The following TDRD10 variants were observed in gnomAD, a reference collection of about 807,000 sequenced individuals.
TDRD10 encodes tudor domain-containing protein 10.
In TDRD10, 40 loss-of-function variants were observed where a neutral mutation model predicts 48.0. That is an observed-to-expected ratio of 0.83 (90% CI 0.65 to 1.09). The LOEUF (loss-of-function observed/expected upper bound fraction) is 1.09. Among genes scored for constraint, TDRD10 ranks in the 50% least tolerant of loss-of-function variants. TDRD10 has a pLI of 0.00. For missense variants in TDRD10, 378 were observed against 434.7 expected, an observed-to-expected ratio of 0.87 and a Z score of 1.16; for synonymous variants, 162 against 170.4, an observed-to-expected ratio of 0.95 and a Z score of 0.38.
intron 6 of TDRD10, among the ~76,000 whole-genome samples, chr1:154,524,254 C>A (rs1694197429): frequency 6.6e-6 from 1 of 152,158 alleles, no homozygotes; most frequent in Non-Finnish European, 1.5e-5. Context: ...GCAACCTCCA[C>A]CTCTTGGGCT....
chr1:154,543,136 A>G (rs1275256350), intron 8 of TDRD10, among the ~76,000 whole-genome samples: 1 of 152,106 alleles, frequency 6.6e-6, no homozygotes, highest in African/African-American at 2.4e-5. Flanking sequence ...TTAGCCGGGC[A>G]TGGTGGTGGG....
Position 154,544,491 on chromosome 1 carries a change from G to A in TDRD10, c.771G>A (p.Leu257=). 1 of 1,613,908 alleles carries A rather than the reference G, an allele frequency of 6.2e-7. No homozygotes were observed. Among genetic ancestry groups the A allele is most frequent in the Non-Finnish European group, 8.5e-7 (1 of 1,179,984 alleles). The change falls in exon 10 of 13, where the codon CTG becomes CTA. Residue 257 remains leucine, a synonymous_variant. Coordinates refer to ENST00000368482, the MANE Select transcript of TDRD10 (RefSeq NM_182499.4). The stretch of plus-strand genomic sequence containing the variant: ...CTCGCTGTCTGGCAGAGTACCACCT[G>A]GGGGATTATGGACACGCCTGGAACA... The part of the protein sequence containing the change: ...RGTRCLAEYH[L]GDYGHAWNRC...
intron 7 of TDRD10, 137 bp from the exon 8 acceptor site, chr1:154,542,594 G>C: frequency 1.6e-6 from 1 of 607,092 alleles, no homozygotes; most frequent in Non-Finnish European, 2.9e-6. Context: ...TCTAGAGACT[G>C]AGAAGTTGGA....
At chr1:154,535,927 G>A (rs1028298654) in intron 6 of TDRD10, among the ~76,000 whole-genome samples, 6 of 152,158 alleles carry the variant, frequency 3.9e-5, no homozygotes, top group Non-Finnish European at 8.8e-5. Context: ...AGAGCAGGAC[G>A]GGGTGAGACT....
chr1:154,508,253 G>T (rs887394011), intron 3 of TDRD10, among the ~76,000 whole-genome samples, 170 bp from the exon 4 acceptor site: 6 of 152,170 alleles, frequency 3.9e-5, no homozygotes, highest in East Asian at 3.8e-4. Context: ...AGTGGCTCAC[G>T]CCTGTAATTC....
At chr1:154,508,548 G>T in intron 4 of TDRD10, 67 bp downstream of exon 4, 1 of 1,056,332 alleles carries the variant, frequency 9.5e-7, no homozygotes, top group Non-Finnish European at 1.5e-6. Context: ...TAACCTGCTA[G>T]TAACTTAATT....
At chr1:154,517,490 C>T (rs955463808) in intron 4 of TDRD10, among the ~76,000 whole-genome samples, 22 of 149,396 alleles carry the variant, frequency 1.5e-4, no homozygotes, top group Non-Finnish European at 2.7e-4. Context: ...GGTGCGATCT[C>T]GGCTCACTGC....
At chr1:154,543,881 C>T in intron 8 of TDRD10, 82 bp from the exon 9 acceptor site, 1 of 1,570,166 alleles carries the variant, frequency 6.4e-7, no homozygotes, top group Non-Finnish European at 8.6e-7. Flanking sequence ...CAGCCTCCTG[C>T]AGGACAGGCG....
chr1:154,510,533 A>G (rs1557814182), intron 4 of TDRD10, among the ~76,000 whole-genome samples: 1 of 151,938 alleles, frequency 6.6e-6, no homozygotes, highest in Non-Finnish European at 1.5e-5. Context: ...TGGAGCTTGC[A>G]GTGAGCCAAG....
intron 8 of TDRD10, 93 bp downstream of exon 8, chr1:154,542,914 G>C: frequency 9.3e-7 from 1 of 1,071,446 alleles, no homozygotes; most frequent in East Asian, 2.5e-5. Flanking sequence ...TACTGGGGTG[G>C]GGGATAGTTT....
At chr1:154,508,376 C>T (rs776708150) in intron 3 of TDRD10, 47 bp from the exon 4 acceptor site, 2 of 1,309,278 alleles carry the variant, frequency 1.5e-6, no homozygotes, top group South Asian at 1.2e-5. Context: ...CCTCTGAATC[C>T]TCTAACCGTA....
intron 7 of TDRD10, 148 bp downstream of exon 7, chr1:154,542,214 G>A (rs1695280841): frequency 1.3e-6 from 1 of 780,992 alleles, no homozygotes; most frequent in Admixed American, 3.0e-5. Flanking sequence ...CTTCCTCTAG[G>A]ATGCTTGCTT....
chr1:154,545,486 G>A (rs1361505150), intron 11 of TDRD10, among the ~76,000 whole-genome samples: 1 of 152,202 alleles, frequency 6.6e-6, no homozygotes, highest in South Asian at 2.1e-4. Context: ...AAGGATGAAA[G>A]AATGTTTTAG....
chr1:154,507,372 G>T, intron 3 of TDRD10, 52 bp downstream of exon 3: 1 of 1,599,182 alleles, frequency 6.3e-7, no homozygotes. Context: ...CCTACAACTT[G>T]GATTCCAGTT....
rs1695695092 is a variant in TDRD10, at chr1:154,547,885, A to T, written c.*175A>T. The T allele has an allele frequency of 5.7e-6, 4 of 699,546 alleles. No homozygotes were observed. The highest frequency in any genetic ancestry group is 9.6e-6 in the Non-Finnish European group (4 of 415,660). The allele number at this position is 699,546 out of a possible 1,614,324, so 43.3% of individuals were successfully genotyped here. ...CAGCTTCCCTCTCAAAAGAGAGTGA[A>T]GTCTCATTTGTCATGTGTCTTCAGT... On this transcript the variant is annotated 3_prime_UTR_variant, in exon 13 of 13. Coordinates refer to ENST00000368482, the MANE Select transcript of TDRD10 (RefSeq NM_182499.4).
intron 3 of TDRD10, 132 bp downstream of exon 3, chr1:154,507,452 C>T (rs1693207428): frequency 6.6e-6 from 7 of 1,062,272 alleles, no homozygotes; most frequent in Non-Finnish European, 9.7e-6. Context: ...TGCTCTTCCT[C>T]CAGTCAGCCA....
At chr1:154,509,510 G>C (rs1328197875) in intron 4 of TDRD10, among the ~76,000 whole-genome samples, 2 of 152,152 alleles carry the variant, frequency 1.3e-5, no homozygotes, top group African/African-American at 4.8e-5. Flanking sequence ...TAAGTACACA[G>C]ACCTAGTGAG....
rs1692886653 is a variant in TDRD10, at chr1:154,503,028, A to G, written c.-29A>G. On this transcript the variant is annotated splice_region_variant and 5_prime_UTR_variant, in exon 1 of 13. Coordinates refer to ENST00000368482, the MANE Select transcript of TDRD10 (RefSeq NM_182499.4). ...GTGCACGCGCGTGGCCCGCGAGACG[A>G]GGTATGGCTTGTCGGCCCCAGGTCC... 1 of 146,090 alleles carries G rather than the reference A, an allele frequency of 6.8e-6. No individual in the cohort carries two copies. Among genetic ancestry groups the G allele is most frequent in the South Asian group, 2.3e-4 (1 of 4,286 alleles). 9.0% of individuals were successfully genotyped at this position (146,090 alleles called of 1,614,324 possible).
At chr1:154,519,230 A>T (rs1693927621) in intron 4 of TDRD10, among the ~76,000 whole-genome samples, 1 of 152,256 alleles carries the variant, frequency 6.6e-6, no homozygotes, top group Non-Finnish European at 1.5e-5. Flanking sequence ...TTCATGTGTA[A>T]TAAACATTAA....
Sources: gnomAD v4.1 joint callset for allele counts (sites outside exome capture counted in the v4.1 genomes callset) on GRCh38, gnomAD v4.1.1 for gene constraint, MANE v1.5 for transcripts, NCBI Gene and HGNC (gene_info 2026-07-23, HGNC 2026-07-21) for gene names.